The following ZFHX4 variants were observed in gnomAD, a reference collection of about 807,000 sequenced individuals.
The protein encoded by ZFHX4 is zinc finger homeobox 4, also known as zinc finger homeobox protein 4.
Under a neutral mutation model 267.6 loss-of-function variants are expected in ZFHX4, and 56 were observed. The ratio of observed to expected loss-of-function variants is 0.21; its 90% CI spans 0.17 to 0.26. The LOEUF (loss-of-function observed/expected upper bound fraction) is 0.26, where lower values mean the gene tolerates loss of function less well. Among genes scored for constraint, ZFHX4 ranks in the 10% least tolerant of loss-of-function variants. The pLI is 1.00. For synonymous variants in ZFHX4, 1,778 were observed against 1,665.6 expected (o/e 1.07, Z -1.64); for missense variants, 4,332 against 4,420.0 (o/e 0.98, Z 0.56).
At chr8:76,724,499 C>CA (rs2131645007) in intron 3 of ZFHX4, among the ~76,000 whole-genome samples, 1 of 152,020 alleles carries the variant, frequency 6.6e-6, no homozygotes, top group East Asian at 1.9e-4. Flanking sequence ...TTTTGATATA[C>CA]AAAAATCTCA....
intron 5 of ZFHX4, among the ~76,000 whole-genome samples, chr8:76,836,466 G>T (rs1322552406): frequency 1.3e-5 from 2 of 152,156 alleles, no homozygotes; most frequent in Non-Finnish European, 2.9e-5. Context: ...GAAGTTCTCT[G>T]AGGAAATGAC....
rs540036626 is a variant in ZFHX4 at position 76,747,568 on chromosome 8, ATCTC to A, written c.3094-30638_3094-30635del. Among the ~76,000 whole-genome samples, 20 of 152,294 alleles carry A rather than the reference ATCTC, an allele frequency of 1.3e-4. No individual in the cohort carries two copies. In the South Asian group the frequency reaches 4.1e-3, roughly 32 times the overall value. Reference sequence around the variant, plus strand: ...TTTGGATTCCAAATATACATCACGCATCTCTGTCTTGGTTCTTATGAGTTTAGTA... The same window carrying A: ...TTTGGATTCCAAATATACATCACGCATGTCTTGGTTCTTATGAGTTTAGTA... On this transcript the variant is annotated intron_variant, in intron 3 of 10. Coordinates refer to ENST00000651372, the MANE Select transcript of ZFHX4 (RefSeq NM_024721.5).
intron 4 of ZFHX4, 51 bp from the exon 5 acceptor site, chr8:76,833,287 G>A: frequency 6.6e-7 from 1 of 1,520,732 alleles, no homozygotes; most frequent in Non-Finnish European, 9.1e-7. Context: ...GCCATGATGA[G>A]AGAGCTGGAT....
intron 3 of ZFHX4, among the ~76,000 whole-genome samples, chr8:76,726,789 A>C (rs1263518478): frequency 2.0e-5 from 3 of 152,170 alleles, no homozygotes; most frequent in Admixed American, 6.6e-5. Context: ...TATCTGCTTT[A>C]GCCTGCAAAT....
rs148979629 is a variant in ZFHX4, at chr8:76,863,350, C to G, written c.9636C>G (p.Pro3212=). 3.1e-6 allele frequency: 5 copies of G among 1,613,638 alleles called. No homozygotes were observed. The highest frequency in any genetic ancestry group is 4.2e-6 in the Non-Finnish European group (5 of 1,179,836). The change falls in exon 11 of 11, where the codon CCC becomes CCG. Residue 3212 remains proline (P), a synonymous_variant. Transcript: ENST00000651372. ...IKEEELEATK[P]EKHPKKEEKI... ...AGGAGGAATTAGAGGCCACCAAACC[C>G]GAAAAACACCCCAAAAAAGAGGAAA...
Position 76,851,397 on chromosome 8 carries a change from G to A in ZFHX4, c.4476G>A (p.Glu1492=), listed in dbSNP as rs1812517364. 1 of 1,613,818 alleles carries A rather than the reference G, an allele frequency of 6.2e-7. No individual in the cohort carries two copies. Among genetic ancestry groups the A allele is most frequent in the Non-Finnish European group, 8.5e-7 (1 of 1,179,866 alleles). ...AGCAGGAAATGGAGAGAGAGTATGA[G>A]GTGGACCACGAAGGGAAAGCAAGTC... ...GLEQEMEREY[E]VDHEGKASPV... The change falls in exon 10 of 11, where the codon GAG becomes GAA. Residue 1492 remains glutamate (E), a synonymous_variant. Coordinates refer to ENST00000651372, the MANE Select transcript of ZFHX4 (RefSeq NM_024721.5).
intron 4 of ZFHX4, among the ~76,000 whole-genome samples, chr8:76,796,652 A>C (rs1810986982): frequency 6.6e-6 from 1 of 152,158 alleles, no homozygotes. Flanking sequence ...AACTGGAACC[A>C]ACTGTAATGG....
intron 3 of ZFHX4, among the ~76,000 whole-genome samples, chr8:76,753,291 T>C (rs1243284038): frequency 2.0e-5 from 3 of 152,208 alleles, no homozygotes; most frequent in African/African-American, 7.2e-5. Flanking sequence ...TGACACAAGA[T>C]GTTGCCTGTG....
At chr8:76,711,085 A>G (rs534263215) in intron 3 of ZFHX4, among the ~76,000 whole-genome samples, 1 of 152,276 alleles carries the variant, frequency 6.6e-6, no homozygotes, top group African/African-American at 2.4e-5. Context: ...ACCCAGAGGC[A>G]GAATGTGTTG....
chr8:76,688,590 G>C (rs1269600760), intron 1 of ZFHX4, among the ~76,000 whole-genome samples: 1 of 152,082 alleles, frequency 6.6e-6, no homozygotes, highest in Non-Finnish European at 1.5e-5. Context: ...GATGTAACTG[G>C]TTATCAGTTG....
intron 4 of ZFHX4, among the ~76,000 whole-genome samples, chr8:76,819,509 A>AACTAG (rs1474871345): frequency 6.6e-6 from 1 of 152,150 alleles, no homozygotes; most frequent in Non-Finnish European, 1.5e-5. Flanking sequence ...CCATTAGGTG[A>AACTAG]ACTAGACATG....
chr8:76,691,290 A>T (rs1807818031), intron 1 of ZFHX4, among the ~76,000 whole-genome samples: 1 of 152,076 alleles, frequency 6.6e-6, no homozygotes, highest in Non-Finnish European at 1.5e-5. Flanking sequence ...AGTAGGAGGT[A>T]GATTAGGTGC....
intron 1 of ZFHX4, among the ~76,000 whole-genome samples, chr8:76,695,688 T>C (rs913284303): frequency 6.6e-6 from 1 of 152,246 alleles, no homozygotes; most frequent in African/African-American, 2.4e-5. Flanking sequence ...CTCTTTCAGA[T>C]AATGTACCCA....
chr8:76,759,438 G>C (rs1459527191), intron 3 of ZFHX4, among the ~76,000 whole-genome samples: 1 of 152,186 alleles, frequency 6.6e-6, no homozygotes, highest in East Asian at 1.9e-4. Context: ...ATAGCATAGT[G>C]ATCTATGTTG....
At chr8:76,699,561 A>G (rs1162103757) in intron 1 of ZFHX4, among the ~76,000 whole-genome samples, 5 of 152,088 alleles carry the variant, frequency 3.3e-5, no homozygotes, top group South Asian at 4.1e-4. Context: ...ATGATATATC[A>G]AAAGAGAGAC....
rs1424414319 is a variant in ZFHX4 at position 76,865,389 on chromosome 8, C to G, written c.*824C>G. On this transcript the variant is annotated 3_prime_UTR_variant, in exon 11 of 11. Coordinates refer to ENST00000651372, the MANE Select transcript of ZFHX4 (RefSeq NM_024721.5). ...TGATAGACTCTGAGGATTATGTGAA[C>G]AGGACATTTTTCATTTGTGAATTTA... 1.3e-5 allele frequency: 2 copies of G among 152,530 alleles called. No individual in the cohort carries two copies. The highest frequency in any genetic ancestry group is 2.4e-5 in the African/African-American group (1 of 41,442). 9.4% of individuals were successfully genotyped at this position (152,530 alleles called of 1,614,324 possible).
rs1813041002 is a variant in ZFHX4 at position 76,866,677 on chromosome 8, T to C, written c.*2112T>C. On this transcript the variant is annotated 3_prime_UTR_variant, in exon 11 of 11. Transcript: ENST00000651372. ...CGATCTGTCCTGGCAGTTAACACGA[T>C]GTGCAACAGTGTGTTAGCATGGAAC... 6.6e-6 allele frequency: 1 copy of C among 152,488 alleles called. No individual in the cohort carries two copies. The allele number at this position is 152,488 out of a possible 1,614,324, so 9.4% of individuals were successfully genotyped here. A position where few individuals can be genotyped will look rare whatever the true frequency, so the allele number is the denominator to read the frequency against.
intron 3 of ZFHX4, among the ~76,000 whole-genome samples, chr8:76,758,719 C>G (rs1050663638): frequency 2.6e-5 from 4 of 152,010 alleles, no homozygotes; most frequent in Non-Finnish European, 5.9e-5. Flanking sequence ...GGTCTCGAAT[C>G]CAGGGTTCAA....
At chr8:76,799,507 T>C (rs1210508965) in intron 4 of ZFHX4, among the ~76,000 whole-genome samples, 3 of 152,184 alleles carry the variant, frequency 2.0e-5, no homozygotes, top group African/African-American at 4.8e-5. Flanking sequence ...GACCTATTGA[T>C]GGAGATCAGA....
Sources: allele counts gnomAD v4.1 joint callset (sites outside exome capture counted in the v4.1 genomes callset), GRCh38; gene constraint gnomAD v4.1.1; transcripts MANE v1.5; gene names NCBI Gene and HGNC (gene_info 2026-07-23, HGNC 2026-07-21).